The following PCDHGA7 variants were observed in gnomAD, a reference collection of about 807,000 sequenced individuals.
PCDHGA7 encodes the protein protocadherin gamma-A7.
Under a neutral mutation model 58.3 loss-of-function variants are expected in PCDHGA7, and 44 were observed. The ratio of observed to expected loss-of-function variants is 0.75; its 90% CI spans 0.59 to 0.97. The LOEUF (loss-of-function observed/expected upper bound fraction) is 0.97, where lower values mean the gene tolerates loss of function less well. Ranked by LOEUF, PCDHGA7 falls within the 50% of genes least tolerant of loss-of-function variation. The probability of loss-of-function intolerance (pLI) is 0.00; values close to 1 mark genes in which losing one functional copy is unlikely to be tolerated. For synonymous variants in PCDHGA7, 516 were observed against 504.2 expected (o/e 1.02, Z -0.31); for missense variants, 1,266 against 1,188.7 (o/e 1.06, Z -0.96).
chr5:141,411,538 C>G (rs1418802121), intron 1 of PCDHGA7: 1 of 152,268 alleles, frequency 6.6e-6, no homozygotes, highest in Non-Finnish European at 1.5e-5. Context: ...GAGCCCTGAT[C>G]TTGCCACTGC....
chr5:141,401,083 C>T (rs2094110284), intron 1 of PCDHGA7, among the ~76,000 whole-genome samples: 1 of 152,176 alleles, frequency 6.6e-6, no homozygotes, highest in Admixed American at 6.5e-5. Context: ...GTGGCTCATG[C>T]CTGTAATCCC....
Position 141,431,858 on chromosome 5 carries a change from G to A in PCDHGA7, c.2424+46535G>A, listed in dbSNP as rs1421209596. The A allele has an allele frequency of 1.1e-5, 17 of 1,614,198 alleles. No individual in the cohort carries two copies. Among genetic ancestry groups the A allele is most frequent in the Non-Finnish European group, 1.4e-5 (17 of 1,180,020 alleles). On this transcript the variant is annotated intron_variant, in intron 1 of 3. Coordinates refer to ENST00000518325, the MANE Select transcript of PCDHGA7 (RefSeq NM_018920.4). The surrounding 1 kb of genome is among the most constrained non-coding windows in gnomAD (Gnocchi z 4.8). ...AAACTCTCCCAGAGGGACATTAATTGCCCTTTTAAATGTAAATGACCAAGA... is the reference window on the plus strand; with the variant it reads ...AAACTCTCCCAGAGGGACATTAATTACCCTTTTAAATGTAAATGACCAAGA...
chr5:141,432,586 C>T lies in PCDHGA7; in HGVS notation c.2424+47263C>T. The T allele has an allele frequency of 1.9e-6, 3 of 1,613,852 alleles. No homozygotes were observed. Among genetic ancestry groups the T allele is most frequent in the Non-Finnish European group, 2.5e-6 (3 of 1,179,972 alleles). On this transcript the variant is annotated intron_variant, in intron 1 of 3. Transcript: ENST00000518325. The surrounding 1 kb of genome is among the most constrained non-coding windows in gnomAD (Gnocchi z 6.0). ...ACGCCTGGCTGTCCTACCGTCTGCT[C>T]AAGGCCAGCGAGCCGGGACTCTTCT...
chr5:141,478,752 G>A (rs2099475483), intron 1 of PCDHGA7: 2 of 1,521,420 alleles, frequency 1.3e-6, no homozygotes, highest in South Asian at 1.3e-5. Context: ...CATTTCAGGG[G>A]GAAGATACTT....
Position 141,431,962 on chromosome 5 carries a change from C to G in PCDHGA7, c.2424+46639C>G. 1.2e-6 allele frequency: 2 copies of G among 1,614,190 alleles called. No homozygotes were observed. Among genetic ancestry groups the G allele is most frequent in the South Asian group, 2.2e-5 (2 of 91,086 alleles). ...AATTAGAAAAATCTTACGGAAATTACTATAGTTTAGTCACAGACATAGTCT... is the reference window on the plus strand; with the variant it reads ...AATTAGAAAAATCTTACGGAAATTAGTATAGTTTAGTCACAGACATAGTCT... On this transcript the variant is annotated intron_variant, in intron 1 of 3. Transcript: ENST00000518325. The surrounding 1 kb of genome is among the most constrained non-coding windows in gnomAD (Gnocchi z 4.8).
chr5:141,431,351 C>A lies in PCDHGA7; in HGVS notation c.2424+46028C>A. On this transcript the variant is annotated intron_variant, in intron 1 of 3. Coordinates refer to ENST00000518325, the MANE Select transcript of PCDHGA7 (RefSeq NM_018920.4). The surrounding 1 kb of genome is among the most constrained non-coding windows in gnomAD (Gnocchi z 4.8). ...TAAGTACCCCGAATTGGTGCTGAAA[C>A]GCGCCCTGGACCGCGAAGAAAAGGC... The A allele has an allele frequency of 6.2e-7, 1 of 1,614,064 alleles. No individual in the cohort carries two copies. The highest frequency in any genetic ancestry group is 8.5e-7 in the Non-Finnish European group (1 of 1,180,042).
Position 141,422,537 on chromosome 5 carries a change from C to T in PCDHGA7, c.2424+37214C>T, listed in dbSNP as rs993210917. 2.5e-6 allele frequency: 4 copies of T among 1,613,874 alleles called. No individual in the cohort carries two copies. Among genetic ancestry groups the T allele is most frequent in the Non-Finnish European group, 3.4e-6 (4 of 1,179,894 alleles). ...GGAAGCCCGCCTTTGTCTGCAGAAA[C>T]TCATGTCTGGCTGAATGTGGCAGAT... is the stretch of plus-strand genomic sequence containing the variant. On this transcript the variant is annotated intron_variant, in intron 1 of 3. Coordinates refer to ENST00000518325, the MANE Select transcript of PCDHGA7 (RefSeq NM_018920.4).
intron 3 of PCDHGA7, chr5:141,508,338 A>T (rs1245526252): frequency 1.3e-5 from 2 of 152,224 alleles, no homozygotes; most frequent in Non-Finnish European, 2.9e-5. Flanking sequence ...AACTGACTCT[A>T]CAGAAAGTCA....
intron 2 of PCDHGA7, among the ~76,000 whole-genome samples, chr5:141,500,194 T>G (rs994324188): frequency 2.1e-4 from 31 of 147,918 alleles, no homozygotes; most frequent in African/African-American, 7.7e-4. Context: ...TTTTATTTAT[T>G]TATTTATTTA....
At chr5:141,499,451 T>A (rs1378621877) in intron 2 of PCDHGA7, among the ~76,000 whole-genome samples, 3 of 152,130 alleles carry the variant, frequency 2.0e-5, no homozygotes, top group Non-Finnish European at 4.4e-5. Flanking sequence ...AAACCACCCA[T>A]CATTTTACAA....
At position 141,485,163 on chromosome 5, in the gene PCDHGA7, G is replaced by A. The variant is rs2099608470; in HGVS notation, c.2425-9644G>A. 14 of 1,604,624 alleles carry A rather than the reference G, an allele frequency of 8.7e-6. No individual in the cohort carries two copies. The highest frequency in any genetic ancestry group is 1.1e-5 in the Non-Finnish European group (13 of 1,172,560). ...TCTCAGGAGCAAGTAGAGAATTAGCGGGCGGCAGCAATGCTCCGCAAGGTG... is the reference window on the plus strand; with the variant it reads ...TCTCAGGAGCAAGTAGAGAATTAGCAGGCGGCAGCAATGCTCCGCAAGGTG... On this transcript the variant is annotated intron_variant, in intron 1 of 3. Coordinates refer to ENST00000518325, the MANE Select transcript of PCDHGA7 (RefSeq NM_018920.4). The surrounding 1 kb of genome is among the most constrained non-coding windows in gnomAD (Gnocchi z 5.7).
At chr5:141,456,701 G>C (rs370086323) in intron 1 of PCDHGA7, among the ~76,000 whole-genome samples, 1 of 151,988 alleles carries the variant, frequency 6.6e-6, no homozygotes. Flanking sequence ...GTGGTGGCTC[G>C]CGCCTGTAAT....
chr5:141,472,324 G>A (rs1027842697), intron 1 of PCDHGA7, among the ~76,000 whole-genome samples: 2 of 150,650 alleles, frequency 1.3e-5, no homozygotes, highest in African/African-American at 2.4e-5. Flanking sequence ...GGCAGATCAC[G>A]AGGTTGGGAG....
At chr5:141,415,762 T>G (rs1561760360) in intron 1 of PCDHGA7, 16 of 1,399,878 alleles carry the variant, frequency 1.1e-5, no homozygotes, top group East Asian at 5.3e-5. Flanking sequence ...TTTTTTTTTT[T>G]TTTTTTTTTT....
Position 141,431,062 on chromosome 5 carries a change from G to C in PCDHGA7, c.2424+45739G>C, listed in dbSNP as rs2097341170. On this transcript the variant is annotated intron_variant, in intron 1 of 3. Coordinates refer to ENST00000518325, the MANE Select transcript of PCDHGA7 (RefSeq NM_018920.4). This position sits in a 1 kb window ranked among gnomAD's most constrained non-coding sequence, Gnocchi z 4.8. ...AGGAGCTCTGTATGGGGGCCATCAA[G>C]TGTCAATTAAATCTAGACATTCTGA... 6.2e-7 allele frequency: 1 copy of C among 1,614,212 alleles called. No individual in the cohort carries two copies. The highest frequency in any genetic ancestry group is 1.3e-5 in the African/African-American group (1 of 75,084).
chr5:141,481,913 C>CA (rs34114744), intron 1 of PCDHGA7, among the ~76,000 whole-genome samples: 1,134 of 90,654 alleles, frequency 0.013, 16 homozygotes, highest in East Asian at 0.053. Flanking sequence ...AACTCCATCT[C>CA]AAAAAAAAAA....
chr5:141,430,754 A>G (rs778266116), intron 1 of PCDHGA7: 26 of 1,503,884 alleles, frequency 1.7e-5, no homozygotes, highest in East Asian at 4.6e-5. Flanking sequence ...CTGGAGGAAG[A>G]TAAGAATGAT....
intron 1 of PCDHGA7, among the ~76,000 whole-genome samples, chr5:141,406,157 C>A: frequency 6.6e-6 from 1 of 151,124 alleles, no homozygotes. Flanking sequence ...ACTGCAGTCT[C>A]AATCTCCTGG....
intron 2 of PCDHGA7, among the ~76,000 whole-genome samples, chr5:141,496,628 C>T (rs928402582): frequency 2.0e-5 from 3 of 152,212 alleles, no homozygotes; most frequent in Non-Finnish European, 2.9e-5. Flanking sequence ...GATCAAAAGG[C>T]TTGGGCTGCC....
Sources: allele counts gnomAD v4.1 joint callset (sites outside exome capture counted in the v4.1 genomes callset), GRCh38; gene constraint gnomAD v4.1.1; non-coding constraint Gnocchi (gnomAD v3.1); transcripts MANE v1.5; gene names NCBI Gene and HGNC (gene_info 2026-07-23, HGNC 2026-07-21).